Variants in SYT9 observed in about 807,000 individuals in gnomAD.
SYT9 encodes the protein synaptotagmin 9.
Under a neutral mutation model 48.4 loss-of-function variants are expected in SYT9, and 22 were observed. The observed-to-expected ratio is 0.45, with a 90% CI of 0.32 to 0.65. The LOEUF (loss-of-function observed/expected upper bound fraction) is 0.65. Among genes scored for constraint, SYT9 ranks in the 30% least tolerant of loss-of-function variants. The probability of loss-of-function intolerance (pLI) is 0.03; values close to 1 mark genes in which losing one functional copy is unlikely to be tolerated. For missense variants in SYT9, 577 were observed against 622.0 expected, an observed-to-expected ratio of 0.93 and a Z score of 0.77; for synonymous variants, 265 against 245.0, an observed-to-expected ratio of 1.08 and a Z score of -0.76.
intron 3 of SYT9, among the ~76,000 whole-genome samples, chr11:7,367,808 C>T (rs1850281297): frequency 6.6e-6 from 1 of 152,152 alleles, no homozygotes; most frequent in Non-Finnish European, 1.5e-5. Context: ...TCCTCCAACC[C>T]ACACCCTCAT....
chr11:7,379,021 T>A (rs75108188), intron 3 of SYT9, among the ~76,000 whole-genome samples: 4,978 of 152,250 alleles, frequency 0.033, 279 homozygotes, highest in African/African-American at 0.11. Flanking sequence ...TAAAAAACAA[T>A]TTTTCATCTC....
chr11:7,360,550 C>T (rs1211755893), intron 3 of SYT9, among the ~76,000 whole-genome samples: 2 of 152,076 alleles, frequency 1.3e-5, no homozygotes, highest in Non-Finnish European at 2.9e-5. Flanking sequence ...TGTAGTTCTC[C>T]TTGAAGAGGT....
chr11:7,314,474 T>G (rs971593102), intron 3 of SYT9: 1 of 225,862 alleles, frequency 4.4e-6, no homozygotes, highest in Admixed American at 5.3e-5. Context: ...AAAATCCAAG[T>G]TACAAGGAGG....
At chr11:7,302,554 T>C (rs1848941840) in intron 1 of SYT9, among the ~76,000 whole-genome samples, 1 of 152,150 alleles carries the variant, frequency 6.6e-6, no homozygotes, top group Non-Finnish European at 1.5e-5. Context: ...ATAGGAAAAA[T>C]AGAACCAAAA....
chr11:7,335,260 CTATT>C (rs1365637157), intron 3 of SYT9, among the ~76,000 whole-genome samples: 1 of 127,554 alleles, frequency 7.8e-6, no homozygotes, highest in Non-Finnish European at 1.8e-5. Flanking sequence ...TATCTACCAT[CTATT>C]TATCTTTTTT....
intron 1 of SYT9, among the ~76,000 whole-genome samples, chr11:7,295,096 G>A (rs143024401): frequency 9.9e-4 from 151 of 152,276 alleles, no homozygotes; most frequent in African/African-American, 3.3e-3. Flanking sequence ...TCTTCCAAAC[G>A]TGGGTTCTCA....
intron 3 of SYT9, among the ~76,000 whole-genome samples, chr11:7,411,100 C>T (rs988932390): frequency 6.6e-6 from 1 of 152,234 alleles, no homozygotes; most frequent in Non-Finnish European, 1.5e-5. Context: ...GGTGATTCAC[C>T]TGCCTCGGCA....
At position 7,296,574 on chromosome 11, in the gene SYT9, T is replaced by C. The variant is rs1267459919; in HGVS notation, c.146-6465T>C. Among the ~76,000 whole-genome samples the C allele has an allele frequency of 2.0e-5, 3 of 152,214 alleles. No homozygotes were observed. The East Asian group carries it at 5.8e-4, about 29-fold the overall frequency. The stretch of plus-strand genomic sequence containing the variant: ...TCCTTCCTCTCCTCTTCTTCCTCCT[T>C]CTTCTTCCTGTGTCTCTTTCTTTTT... On this transcript the variant is annotated intron_variant, in intron 1 of 6. Transcript: ENST00000318881.
At chr11:7,422,287 A>C (rs1847370840) in intron 6 of SYT9, among the ~76,000 whole-genome samples, 1 of 152,194 alleles carries the variant, frequency 6.6e-6, no homozygotes, top group Non-Finnish European at 1.5e-5. Context: ...GGGTTTATGG[A>C]TTCTAACCAT....
chr11:7,355,354 C>T (rs1402455622), intron 3 of SYT9, among the ~76,000 whole-genome samples: 2 of 152,326 alleles, frequency 1.3e-5, no homozygotes, highest in East Asian at 3.9e-4. Flanking sequence ...GGTGGGGTTA[C>T]CCCAGTGTGC....
intron 3 of SYT9, among the ~76,000 whole-genome samples, chr11:7,381,808 C>T (rs1369426333): frequency 6.6e-6 from 1 of 152,166 alleles, no homozygotes; most frequent in Non-Finnish European, 1.5e-5. Flanking sequence ...TTAAATTCTT[C>T]TTTGTGTTAT....
intron 3 of SYT9, among the ~76,000 whole-genome samples, chr11:7,413,562 C>T (rs1564894929): frequency 6.6e-6 from 1 of 152,158 alleles, no homozygotes; most frequent in Non-Finnish European, 1.5e-5. Context: ...TGTTAGGGAG[C>T]TTCTCCCAGC....
At chr11:7,344,929 T>TAC (rs60652691) in intron 3 of SYT9, among the ~76,000 whole-genome samples, 5,162 of 148,966 alleles carry the variant, frequency 0.035, 147 homozygotes, top group African/African-American at 0.086. Context: ...CTCATTATTT[T>TAC]ACACACACAC....
In SYT9 at chr11:7,349,382, A is replaced by AACACACACACACACACAC. The variant is rs71056799; in HGVS notation, c.1044+35450_1044+35467dup. On this transcript the variant is annotated intron_variant, in intron 3 of 6. Transcript: ENST00000318881. The stretch of plus-strand genomic sequence containing the variant: ...ATTTTACCACAATAAAAAATATACA[A>AACACACACACACACACAC]ACACACACACACACACACACACACA... 7.2e-3 allele frequency among the ~76,000 whole-genome samples: 1,074 copies of AACACACACACACACACAC among 148,244 alleles called. 30 individuals are homozygous for AACACACACACACACACAC. In the East Asian group the frequency reaches 0.083, roughly 11 times the overall value.
intron 6 of SYT9, chr11:7,427,296 C>T (rs778201402): frequency 2.0e-5 from 3 of 152,182 alleles, no homozygotes; most frequent in Non-Finnish European, 4.4e-5. Flanking sequence ...TACCTTTTCT[C>T]TATTTAGGAG....
At chr11:7,242,969 C>T (rs918208383) in intron 1 of SYT9, among the ~76,000 whole-genome samples, 8 of 152,026 alleles carry the variant, frequency 5.3e-5, no homozygotes, top group Non-Finnish European at 1.2e-4. Context: ...TTGCTTGAAC[C>T]CGGGAGGCGG....
intron 3 of SYT9, among the ~76,000 whole-genome samples, chr11:7,400,714 T>G (rs1846872835): frequency 6.6e-6 from 1 of 152,148 alleles, no homozygotes; most frequent in Non-Finnish European, 1.5e-5. Flanking sequence ...CAGATAACTC[T>G]GGAGAAGATA....
intron 3 of SYT9, among the ~76,000 whole-genome samples, chr11:7,325,193 T>A (rs188230370): frequency 1.8e-3 from 279 of 151,338 alleles, no homozygotes; most frequent in African/African-American, 6.5e-3. Context: ...ATCTGTAAAT[T>A]ACCTTGGGCA....
chr11:7,254,681 G>T (rs970400242), intron 1 of SYT9, among the ~76,000 whole-genome samples: 4 of 152,168 alleles, frequency 2.6e-5, no homozygotes, highest in African/African-American at 9.7e-5. Context: ...TTCTGGAAAG[G>T]AATCCACCTG....
Sources: gnomAD v4.1 joint callset for allele counts (sites outside exome capture counted in the v4.1 genomes callset) on GRCh38, gnomAD v4.1.1 for gene constraint, MANE v1.5 for transcripts, NCBI Gene and HGNC (gene_info 2026-07-23, HGNC 2026-07-21) for gene names.